The following ERC2 variants were observed in gnomAD, a reference collection of about 807,000 sequenced individuals.
The protein encoded by ERC2 is ERC protein 2.
In ERC2, 42 loss-of-function variants were observed where a neutral mutation model predicts 114.8. That is an observed-to-expected ratio of 0.37 (90% CI 0.29 to 0.47). The LOEUF is 0.47. Ranked by LOEUF, ERC2 falls within the 20% of genes least tolerant of loss-of-function variation. ERC2 has a pLI of 0.99. For missense variants in ERC2, 939 were observed against 1,150.7 expected (o/e 0.82, Z 2.66); for synonymous variants, 454 against 425.5 (o/e 1.07, Z -0.82).
chr3:55,721,146 G>C (rs2064524879), intron 15 of ERC2, among the ~76,000 whole-genome samples: 1 of 152,120 alleles, frequency 6.6e-6, no homozygotes, highest in Admixed American at 6.5e-5. Flanking sequence ...AAAGCAAATG[G>C]GCAGAGTGCT....
intron 17 of ERC2, among the ~76,000 whole-genome samples, chr3:55,612,510 C>A (rs981020592): frequency 6.6e-6 from 1 of 152,120 alleles, no homozygotes; most frequent in Non-Finnish European, 1.5e-5. Context: ...AGATGTCATT[C>A]CTTATTTATC....
chr3:55,981,642 A>G (rs4974157), intron 12 of ERC2, among the ~76,000 whole-genome samples: 75,482 of 151,968 alleles, frequency 0.5, 19,474 homozygotes, highest in African/African-American at 0.62. Context: ...AAAGAAGGAA[A>G]TAGGGATTGA....
chr3:56,461,409 G>C (rs1484608004), intron 1 of ERC2, among the ~76,000 whole-genome samples: 1 of 152,160 alleles, frequency 6.6e-6, no homozygotes, highest in East Asian at 1.9e-4. Context: ...GTGACTGAAA[G>C]GCCCAGGCAG....
chr3:55,929,898 G>A (rs1471292705), intron 13 of ERC2, among the ~76,000 whole-genome samples: 2 of 152,158 alleles, frequency 1.3e-5, no homozygotes, highest in East Asian at 3.8e-4. Flanking sequence ...CATGCTTCCT[G>A]TACAGCCTGT....
intron 16 of ERC2, among the ~76,000 whole-genome samples, chr3:55,691,295 T>C (rs1400518087): frequency 5.3e-5 from 8 of 151,942 alleles, no homozygotes; most frequent in Admixed American, 4.6e-4. Flanking sequence ...AAAGAAGTAT[T>C]GGGAAAGAGG....
intron 2 of ERC2, among the ~76,000 whole-genome samples, chr3:56,353,938 A>G (rs568510968): frequency 7.9e-5 from 12 of 152,086 alleles, no homozygotes; most frequent in Non-Finnish European, 1.8e-4. Flanking sequence ...AATTAAGGGT[A>G]CATATTATTC....
chr3:55,539,503 C>T (rs541786465), intron 17 of ERC2, among the ~76,000 whole-genome samples: 20 of 141,284 alleles, frequency 1.4e-4, no homozygotes, highest in East Asian at 4.5e-4. Flanking sequence ...GCTCACTGCA[C>T]GCTGCACCTC....
At position 56,334,096 on chromosome 3, in the gene ERC2, T is replaced by G. The variant is rs2057749133; in HGVS notation, c.658-37661A>C. Among the ~76,000 whole-genome samples the G allele has an allele frequency of 1.3e-5, 2 of 152,226 alleles. 1 individual carries two copies. Among genetic ancestry groups the G allele is most frequent in the Admixed American group, 1.3e-4 (2 of 15,276 alleles). ...GGACTATGGGATCCATGGTGTCATC[T>G]TTCCCTCAAATGGTCTTATACCCTT... On this transcript the variant is annotated intron_variant, in intron 2 of 17. Coordinates refer to ENST00000288221, the MANE Select transcript of ERC2 (RefSeq NM_015576.3).
intron 6 of ERC2, among the ~76,000 whole-genome samples, chr3:56,090,405 C>T (rs566463194): frequency 2.6e-5 from 4 of 151,304 alleles, no homozygotes; most frequent in Non-Finnish European, 4.4e-5. Flanking sequence ...TTGTGCCAGG[C>T]AACATTCTAG....
chr3:55,950,745 C>T (rs2067445045), intron 12 of ERC2, among the ~76,000 whole-genome samples, 185 bp from the exon 13 acceptor site: 1 of 152,198 alleles, frequency 6.6e-6, no homozygotes, highest in Non-Finnish European at 1.5e-5. Context: ...TACCAGGTCC[C>T]AGGACGGCAC....
chr3:56,423,647 C>T (rs1448962294), intron 2 of ERC2, among the ~76,000 whole-genome samples: 1 of 152,350 alleles, frequency 6.6e-6, no homozygotes, highest in East Asian at 1.9e-4. Flanking sequence ...AACAAAATGG[C>T]TACACGTTGC....
chr3:55,943,832 C>CCATA (rs769488088), intron 13 of ERC2, among the ~76,000 whole-genome samples: 2 of 152,182 alleles, frequency 1.3e-5, no homozygotes, highest in East Asian at 3.9e-4. Context: ...CAAAATAAGC[C>CCATA]CATAGATCAG....
At chr3:55,955,745 T>C (rs755593777) in intron 12 of ERC2, among the ~76,000 whole-genome samples, 63 of 152,218 alleles carry the variant, frequency 4.1e-4, no homozygotes, top group Non-Finnish European at 6.6e-4. Flanking sequence ...TCATTTCTCT[T>C]GGACAAATAA....
chr3:56,200,915 G>T (rs922407637), intron 3 of ERC2, among the ~76,000 whole-genome samples: 1 of 152,216 alleles, frequency 6.6e-6, no homozygotes, highest in African/African-American at 2.4e-5. Context: ...GTTGTTAAAC[G>T]TTTACCAGCA....
intron 14 of ERC2, among the ~76,000 whole-genome samples, chr3:55,872,521 G>C (rs2062631909): frequency 1.3e-5 from 2 of 152,212 alleles, no homozygotes; most frequent in Admixed American, 1.3e-4. Flanking sequence ...GCCTGCAAAG[G>C]AAAGCTTCGT....
chr3:55,657,484 C>T (rs1224765875), intron 17 of ERC2: 1 of 152,106 alleles, frequency 6.6e-6, no homozygotes, highest in Non-Finnish European at 1.5e-5. Context: ...GAGACAGGGT[C>T]TCACTCTGTC....
chr3:55,729,875 A>C (rs2065150186), intron 15 of ERC2, among the ~76,000 whole-genome samples: 1 of 144,848 alleles, frequency 6.9e-6, no homozygotes, highest in African/African-American at 2.5e-5. Context: ...ATTGTAAGCT[A>C]CACAAGGAAG....
intron 14 of ERC2, among the ~76,000 whole-genome samples, chr3:55,821,412 G>C (rs973928057): frequency 6.6e-6 from 1 of 152,118 alleles, no homozygotes; most frequent in African/African-American, 2.4e-5. Flanking sequence ...GATGTGAAGG[G>C]GCTGAGTGCT....
intron 2 of ERC2, among the ~76,000 whole-genome samples, chr3:56,332,505 T>C (rs1213605698): frequency 1.3e-5 from 2 of 152,220 alleles, no homozygotes; most frequent in African/African-American, 4.8e-5. Context: ...CCATGATTTC[T>C]ACCCAGCTCT....
Sources: gnomAD v4.1 joint callset for allele counts (sites outside exome capture counted in the v4.1 genomes callset) on GRCh38, gnomAD v4.1.1 for gene constraint, MANE v1.5 for transcripts, NCBI Gene and HGNC (gene_info 2026-07-23, HGNC 2026-07-21) for gene names.